NDUFA10: variants seen among roughly 807,000 people sequenced by gnomAD.
NDUFA10 encodes NADH dehydrogenase [ubiquinone] 1 alpha subcomplex subunit 10, mitochondrial.
In NDUFA10, 40 loss-of-function variants were observed where a neutral mutation model predicts 47.8. The observed-to-expected ratio is 0.84, with a 90% CI of 0.65 to 1.09. NDUFA10 has a LOEUF of 1.09. Ranked by LOEUF, NDUFA10 falls within the 50% of genes least tolerant of loss-of-function variation. NDUFA10 has a pLI of 0.00. For missense variants in NDUFA10, 413 were observed against 451.1 expected, an observed-to-expected ratio of 0.92 and a Z score of 0.76; for synonymous variants, 183 against 172.2, an observed-to-expected ratio of 1.06 and a Z score of -0.49.
At chr2:240,002,578 A>G (rs1173066496) in intron 8 of NDUFA10, among the ~76,000 whole-genome samples, 1 of 151,998 alleles carries the variant, frequency 6.6e-6, no homozygotes, top group Non-Finnish European at 1.5e-5. Context: ...CCATAATCTT[A>G]CATATGGAGG....
At chr2:239,988,956 ACAC>A (rs1696129687) in intron 9 of NDUFA10, among the ~76,000 whole-genome samples, 1 of 151,568 alleles carries the variant, frequency 6.6e-6, no homozygotes, top group Non-Finnish European at 1.5e-5. Flanking sequence ...CAGCACACAC[ACAC>A]AAGTGTACAA....
intron 8 of NDUFA10, among the ~76,000 whole-genome samples, chr2:239,993,402 A>C (rs1437127712): frequency 6.6e-6 from 1 of 152,200 alleles, no homozygotes; most frequent in Non-Finnish European, 1.5e-5. Flanking sequence ...GGGAGAAAAA[A>C]GGGTGATTAC....
chr2:239,938,282 A>G (rs1694301532), intron 4 of NDUFA10, among the ~76,000 whole-genome samples: 1 of 152,088 alleles, frequency 6.6e-6, no homozygotes, highest in Non-Finnish European at 1.5e-5. Context: ...TCTGCCCACT[A>G]CAGACACCTG....
intron 3 of NDUFA10, chr2:240,020,957 G>T: frequency 1.7e-6 from 1 of 590,918 alleles, no homozygotes; most frequent in Non-Finnish European, 3.0e-6. Flanking sequence ...TTAAAGTAGT[G>T]CCTTGAGAAT....
At chr2:239,907,158 A>T (rs1416753728) in intron 4 of NDUFA10, among the ~76,000 whole-genome samples, 1 of 152,230 alleles carries the variant, frequency 6.6e-6, no homozygotes, top group Non-Finnish European at 1.5e-5. Context: ...AGAAATGGGG[A>T]AAGGATTCCC....
At chr2:239,963,807 G>A (rs769127038) in intron 9 of NDUFA10, among the ~76,000 whole-genome samples, 9 of 152,218 alleles carry the variant, frequency 5.9e-5, no homozygotes, top group Non-Finnish European at 8.8e-5. Context: ...AGGCCAAAGA[G>A]CAGCACTGCA....
chr2:239,973,942 T>G (rs1162965777), intron 9 of NDUFA10, among the ~76,000 whole-genome samples: 2 of 152,212 alleles, frequency 1.3e-5, no homozygotes, highest in African/African-American at 4.8e-5. Flanking sequence ...AATTTTAGTT[T>G]TTTTGAGATG....
At chr2:240,013,899 C>CAGTGAA (rs1397403756) in intron 5 of NDUFA10, 1 of 152,196 alleles carries the variant, frequency 6.6e-6, no homozygotes, top group African/African-American at 2.4e-5. Context: ...ATTAAACAAG[C>CAGTGAA]AGTGAAACCC....
rs1339428368 is a variant in NDUFA10, at chr2:239,987,777, G to A, written c.999+2297C>T. ...CTGCCGAGCACAGCTCCGAACAGTC[G>A]CAGATGCCTGTGGGACTAACACGTA... On this transcript the variant is annotated intron_variant, in intron 9 of 9. Transcript: ENST00000252711. The surrounding 1 kb of genome is among the most constrained non-coding windows in gnomAD (Gnocchi z 4.8). Among the ~76,000 whole-genome samples, 3 of 152,200 alleles carry A rather than the reference G, an allele frequency of 2.0e-5. No homozygotes were observed. The highest frequency in any genetic ancestry group is 1.9e-4 in the East Asian group (1 of 5,192).
At chr2:239,981,726 A>G (rs1695782672) in intron 9 of NDUFA10, among the ~76,000 whole-genome samples, 1 of 152,230 alleles carries the variant, frequency 6.6e-6, no homozygotes, top group African/African-American at 2.4e-5. Context: ...CGTCCTGGGC[A>G]TGTTACAATA....
chr2:239,972,996 A>G (rs542983673), intron 9 of NDUFA10, among the ~76,000 whole-genome samples: 1 of 152,364 alleles, frequency 6.6e-6, no homozygotes, highest in African/African-American at 2.4e-5. Context: ...CACAGCAATC[A>G]CATACAAACC....
intron 4 of NDUFA10, among the ~76,000 whole-genome samples, chr2:239,920,120 G>A (rs1346450104): frequency 3.9e-5 from 6 of 152,210 alleles, no homozygotes; most frequent in Non-Finnish European, 7.3e-5. Context: ...GGTGGTCAGG[G>A]TTCAGTGGGG....
intron 9 of NDUFA10, among the ~76,000 whole-genome samples, chr2:239,978,154 G>T (rs905959279): frequency 3.3e-5 from 5 of 152,060 alleles, no homozygotes; most frequent in African/African-American, 1.2e-4. Context: ...TCCATCAACG[G>T]TCCCATTCCT....
At position 239,984,233 on chromosome 2, in the gene NDUFA10, C is replaced by CA. The variant is rs11290557; in HGVS notation, c.999+5840dup. ...GGGCGATAGAGTGACAATCGGTTTC[C>CA]AAAAAAAAAAAACAAAAAACAAAAA... On this transcript the variant is annotated intron_variant, in intron 9 of 9. Transcript: ENST00000252711. 1.8e-3 allele frequency among the ~76,000 whole-genome samples: 258 copies of CA among 142,068 alleles called. 1 individual carries two copies. The highest frequency in any genetic ancestry group is 3.0e-3 in the Non-Finnish European group (193 of 64,720). 93.2% of individuals were successfully genotyped at this position (142,068 alleles called of 152,430 possible). A position where few individuals can be genotyped will look rare whatever the true frequency, so the allele number is the denominator to read the frequency against.
intron 4 of NDUFA10, among the ~76,000 whole-genome samples, chr2:239,948,554 G>C (rs1331660089): frequency 6.6e-6 from 1 of 152,246 alleles, no homozygotes; most frequent in East Asian, 1.9e-4. Flanking sequence ...CAGCAGGCCT[G>C]CCCGAGCAAA....
chr2:239,906,472 C>T lies in NDUFA10; in HGVS notation c.295-11158G>A, dbSNP rs1444384298. Among the ~76,000 whole-genome samples the T allele has an allele frequency of 6.6e-6, 1 of 152,200 alleles. No homozygotes were observed. Among genetic ancestry groups the T allele is most frequent in the Non-Finnish European group, 1.5e-5 (1 of 68,036 alleles). On this transcript the variant is annotated intron_variant, in intron 4 of 5. Transcript: ENST00000419408. The surrounding 1 kb of genome is among the most constrained non-coding windows in gnomAD (Gnocchi z 4.3). Reference sequence around the variant, plus strand: ...CTTGAGAACACCAGACGGGGGCCCCCACGCCAATTCATGGAGTCCCCGCAC... The same window carrying T: ...CTTGAGAACACCAGACGGGGGCCCCTACGCCAATTCATGGAGTCCCCGCAC...
intron 4 of NDUFA10, among the ~76,000 whole-genome samples, chr2:239,939,002 T>G (rs1473424001): frequency 6.6e-6 from 1 of 151,600 alleles, no homozygotes; most frequent in Non-Finnish European, 1.5e-5. Flanking sequence ...AGCCGTTGGG[T>G]TGGGGGAAAC....
Position 239,997,042 on chromosome 2 carries a change from TTTA to T in NDUFA10, c.891-6863_891-6861del, listed in dbSNP as rs1474930838. Among the ~76,000 whole-genome samples the T allele has an allele frequency of 1.3e-5, 2 of 152,234 alleles. 1 individual carries two copies. Among genetic ancestry groups the T allele is most frequent in the South Asian group, 4.1e-4 (2 of 4,830 alleles). ...AGTTGTTATACTGTATTTTTACATT[TTTA>T]TTATTTTTTTATTGCTGTGTTATTT... On this transcript the variant is annotated intron_variant, in intron 8 of 9. Transcript: ENST00000252711.
intron 9 of NDUFA10, chr2:239,969,620 T>C (rs1695230425): frequency 2.1e-6 from 1 of 470,724 alleles, no homozygotes; most frequent in Admixed American, 2.4e-5. Context: ...GGATTCTTTC[T>C]TCCTGTCTCT....
Sources: gnomAD v4.1 joint callset for allele counts (sites outside exome capture counted in the v4.1 genomes callset) on GRCh38, gnomAD v4.1.1 for gene constraint, Gnocchi (gnomAD v3.1) non-coding constraint, MANE v1.5 for transcripts, NCBI Gene and HGNC (gene_info 2026-07-23, HGNC 2026-07-21) for gene names.